Variants in PDE6D observed in about 807,000 individuals in gnomAD.
The protein encoded by PDE6D is phosphodiesterase 6D.
Under a neutral mutation model 21.9 loss-of-function variants are expected in PDE6D, and 10 were observed. The ratio of observed to expected loss-of-function variants is 0.46; its 90% CI spans 0.28 to 0.78. PDE6D has a LOEUF of 0.78. Ranked by LOEUF, PDE6D falls within the 30% of genes least tolerant of loss-of-function variation. PDE6D has a pLI of 0.12. For missense variants in PDE6D, 139 were observed against 184.8 expected (o/e 0.75, Z 1.44); for synonymous variants, 59 against 63.5 (o/e 0.93, Z 0.34).
chr2:231,761,570 G>A (rs1441088067), intron 1 of PDE6D, among the ~76,000 whole-genome samples: 1 of 152,164 alleles, frequency 6.6e-6, no homozygotes, highest in Admixed American at 6.5e-5. Flanking sequence ...CTTTCTAACA[G>A]TCTTGTTTAA....
intron 4 of PDE6D, among the ~76,000 whole-genome samples, chr2:231,733,935 G>A (rs1461277988): frequency 4.6e-5 from 7 of 152,058 alleles, no homozygotes; most frequent in Non-Finnish European, 1.0e-4. Flanking sequence ...TTAAGTAGCC[G>A]GGCACGGTGG....
chr2:231,742,212 C>G (rs748537089), intron 1 of PDE6D, among the ~76,000 whole-genome samples: 5 of 151,916 alleles, frequency 3.3e-5, no homozygotes, highest in Non-Finnish European at 5.9e-5. Flanking sequence ...ATCTCCACCT[C>G]CTGGGTTCAA....
At position 231,732,843 on chromosome 2, in the gene PDE6D, G is replaced by T; in HGVS notation, c.*109C>A. On this transcript the variant is annotated 3_prime_UTR_variant, in exon 5 of 5. Transcript: ENST00000287600. Reference sequence around the variant, plus strand: ...GCTGCAGGTAGGTTCTGCTGTTGAGGGAATTAGGGGTGTATGTGTCAAAAA... The same window carrying T: ...GCTGCAGGTAGGTTCTGCTGTTGAGTGAATTAGGGGTGTATGTGTCAAAAA... The T allele has an allele frequency of 1.4e-6, 1 of 729,040 alleles. No individual in the cohort carries two copies. The allele number at this position is 729,040 out of a possible 1,614,324, so 45.2% of individuals were successfully genotyped here. A position where few individuals can be genotyped will look rare whatever the true frequency, so the allele number is the denominator to read the frequency against.
rs148413609 is a variant in PDE6D at position 231,748,807 on chromosome 2, C to T, written c.51-9619G>A. 1.0e-3 allele frequency among the ~76,000 whole-genome samples: 157 copies of T among 152,332 alleles called. 4 individuals carry two copies. The highest frequency in any genetic ancestry group is 3.7e-3 in the African/African-American group (152 of 41,572). On this transcript the variant is annotated intron_variant, in intron 1 of 4. Transcript: ENST00000287600. ...AAAAGGGGCCAATGTACAGCTCGGG[C>T]TGTGGCTTCAGAGGGTGGAGGACCC...
intron 3 of PDE6D, chr2:231,737,672 C>T: frequency 3.4e-6 from 1 of 297,998 alleles, no homozygotes; most frequent in Non-Finnish European, 6.2e-6. Flanking sequence ...TGCAGAGTGG[C>T]CTTGCCAGTC....
At chr2:231,755,777 GGGTGT>G (rs1187785914) in intron 1 of PDE6D, among the ~76,000 whole-genome samples, 1 of 152,134 alleles carries the variant, frequency 6.6e-6, no homozygotes, top group Non-Finnish European at 1.5e-5. Context: ...AAAATTAGCT[GGGTGT>G]GGTGGCGCAT....
At chr2:231,761,186 T>C (rs838449) in intron 1 of PDE6D, among the ~76,000 whole-genome samples, 39,027 of 152,076 alleles carry the variant, frequency 0.26, 5,244 homozygotes, top group Non-Finnish European at 0.31. Context: ...ATTCTTTTTT[T>C]TTTTTTGAGA....
chr2:231,776,321 CAAAAAAA>C (rs1008155828), intron 1 of PDE6D, among the ~76,000 whole-genome samples: 2 of 54,052 alleles, frequency 3.7e-5, no homozygotes, highest in African/African-American at 8.1e-5. Context: ...GACTCCGTCT[CAAAAAAA>C]AAAAAAAAAA....
At chr2:231,780,471 A>G (rs1169552086) in intron 1 of PDE6D, among the ~76,000 whole-genome samples, 1 of 152,080 alleles carries the variant, frequency 6.6e-6, no homozygotes, top group African/African-American at 2.4e-5. Context: ...ACCTCCCCCA[A>G]CTACTCCAGT....
In PDE6D at chr2:231,781,254, T is replaced by C; in HGVS notation, c.-140A>G. The stretch of plus-strand genomic sequence containing the variant: ...CGCAGCGGCCAGACCAGGACCGGCC[T>C]CTCTCTCCCCTCAGCTCCCGCTTCT... On this transcript the variant is annotated 5_prime_UTR_variant, in exon 1 of 5. Coordinates refer to ENST00000287600, the MANE Select transcript of PDE6D (RefSeq NM_002601.4). 1 of 721,576 alleles carries C rather than the reference T, an allele frequency of 1.4e-6. No homozygotes were observed. The highest frequency in any genetic ancestry group is 2.8e-5 in the East Asian group (1 of 35,138). 44.7% of individuals were successfully genotyped at this position (721,576 alleles called of 1,614,324 possible). A position where few individuals can be genotyped will look rare whatever the true frequency, so the allele number is the denominator to read the frequency against.
chr2:231,748,658 T>G (rs541708245), intron 1 of PDE6D, among the ~76,000 whole-genome samples: 1 of 152,322 alleles, frequency 6.6e-6, no homozygotes, highest in East Asian at 1.9e-4. Flanking sequence ...AGAACTTCCC[T>G]GCAGCCCCTC....
At chr2:231,751,298 G>A (rs1030760676) in intron 1 of PDE6D, among the ~76,000 whole-genome samples, 1 of 152,022 alleles carries the variant, frequency 6.6e-6, no homozygotes, top group East Asian at 1.9e-4. Flanking sequence ...CTGGACTATA[G>A]GCACTTACCA....
intron 4 of PDE6D, among the ~76,000 whole-genome samples, chr2:231,735,621 A>G (rs1219172186): frequency 6.6e-6 from 1 of 151,870 alleles, no homozygotes; most frequent in Admixed American, 6.6e-5. Flanking sequence ...ATGTTGCCCA[A>G]GCTAGTCTCA....
chr2:231,739,140 T>C lies in PDE6D; in HGVS notation c.99A>G (p.Gln33=), dbSNP rs1342736240. The part of the protein sequence containing the change: ...RDAETGKILW[Q]GTEDLSVPGV... ...CAGGGACAGACAGGTCTTCTGTTCC[T>C]TGCCAGAGTATCTTCCCTGTCTCAG... The change falls in exon 2 of 5, where the codon CAA becomes CAG. Residue 33 remains glutamine, a synonymous_variant. Transcript: ENST00000287600. The surrounding 1 kb of genome is among the most constrained non-coding windows in gnomAD (Gnocchi z 4.2). 1 of 1,613,296 alleles carries C rather than the reference T, an allele frequency of 6.2e-7. No homozygotes were observed. Among genetic ancestry groups the C allele is most frequent in the East Asian group, 2.2e-5 (1 of 44,886 alleles).
chr2:231,761,790 C>T (rs1336918559), intron 1 of PDE6D, among the ~76,000 whole-genome samples: 3 of 152,162 alleles, frequency 2.0e-5, no homozygotes, highest in African/African-American at 7.2e-5. Flanking sequence ...ATTTAATACT[C>T]ATACCCACAT....
chr2:231,765,330 A>AG (rs2048961351), intron 1 of PDE6D, among the ~76,000 whole-genome samples: 1 of 152,062 alleles, frequency 6.6e-6, no homozygotes, highest in South Asian at 2.1e-4. Flanking sequence ...GAACTCAGAA[A>AG]GAAAAAAAAA....
At chr2:231,763,499 G>A (rs1281274871) in intron 1 of PDE6D, among the ~76,000 whole-genome samples, 1 of 152,026 alleles carries the variant, frequency 6.6e-6, no homozygotes, top group African/African-American at 2.4e-5. Context: ...ACTGGTCCTG[G>A]TCTGTGAATC....
At chr2:231,737,783 C>A (rs932255042) in intron 3 of PDE6D, 1 of 475,080 alleles carries the variant, frequency 2.1e-6, no homozygotes, top group East Asian at 3.5e-5. Context: ...CTAAACCAGG[C>A]ACCACCATCC....
At chr2:231,734,038 C>T (rs946339776) in intron 4 of PDE6D, among the ~76,000 whole-genome samples, 1 of 151,646 alleles carries the variant, frequency 6.6e-6, no homozygotes, top group Non-Finnish European at 1.5e-5. Flanking sequence ...AGGGTGAAAC[C>T]CTGTCTCTAC....
Sources: allele counts gnomAD v4.1 joint callset (sites outside exome capture counted in the v4.1 genomes callset), GRCh38; gene constraint gnomAD v4.1.1; non-coding constraint Gnocchi (gnomAD v3.1); transcripts MANE v1.5; gene names NCBI Gene and HGNC (gene_info 2026-07-23, HGNC 2026-07-21).